LRRTM4: variants seen among roughly 807,000 people sequenced by gnomAD.
The protein encoded by LRRTM4 is leucine rich repeat transmembrane neuronal 4, also known as leucine-rich repeat transmembrane neuronal protein 4.
In LRRTM4, 25 loss-of-function variants were observed where a neutral mutation model predicts 47.6. That is an observed-to-expected ratio of 0.53 (90% confidence interval 0.38 to 0.73). The LOEUF is 0.73. LRRTM4 is among the 30% of genes least tolerant of loss of function. LRRTM4 has a pLI of 0.00. For synonymous variants in LRRTM4, 311 were observed against 269.5 expected, an observed-to-expected ratio of 1.15 and a Z score of -1.51; for missense variants, 638 against 713.4, an observed-to-expected ratio of 0.89 and a Z score of 1.20.
chr2:77,373,967 G>A (rs978859144), intron 3 of LRRTM4, among the ~76,000 whole-genome samples: 3 of 151,734 alleles, frequency 2.0e-5, no homozygotes, highest in Non-Finnish European at 4.4e-5. Flanking sequence ...AGTTAACAGA[G>A]TCAAACAAGA....
chr2:76,990,967 A>G (rs556908385), intron 3 of LRRTM4, among the ~76,000 whole-genome samples: 1 of 151,914 alleles, frequency 6.6e-6, no homozygotes, highest in Non-Finnish European at 1.5e-5. Context: ...CCAAAGTGAA[A>G]CAAAACAGAA....
At chr2:77,517,937 G>A (rs1478247128) in intron 3 of LRRTM4, 2 of 1,000,976 alleles carry the variant, frequency 2.0e-6, no homozygotes, top group Non-Finnish European at 2.4e-6. Context: ...AATTAAGCTG[G>A]CCCTCTTCTT....
At chr2:76,925,816 AAT>A (rs1433024731) in intron 3 of LRRTM4, among the ~76,000 whole-genome samples, 1 of 152,124 alleles carries the variant, frequency 6.6e-6, no homozygotes, top group Non-Finnish European at 1.5e-5. Flanking sequence ...CATATGTCAT[AAT>A]ATGTTAGAAC....
chr2:77,163,389 T>G (rs1398188617), intron 3 of LRRTM4, among the ~76,000 whole-genome samples: 1 of 152,148 alleles, frequency 6.6e-6, no homozygotes, highest in East Asian at 1.9e-4. Flanking sequence ...TGGAACCAAG[T>G]TGGAAAACAC....
At chr2:77,069,263 C>T (rs1044032315) in intron 3 of LRRTM4, among the ~76,000 whole-genome samples, 8 of 151,824 alleles carry the variant, frequency 5.3e-5, no homozygotes, top group African/African-American at 1.9e-4. Flanking sequence ...TCATTTTGGC[C>T]GTTATGAATA....
chr2:77,290,095 T>C (rs1355118237), intron 3 of LRRTM4, among the ~76,000 whole-genome samples: 6 of 151,950 alleles, frequency 3.9e-5, no homozygotes, highest in Non-Finnish European at 7.4e-5. Flanking sequence ...ACATATAAAA[T>C]TGAAGGAGAG....
chr2:77,074,271 G>A (rs916838955), intron 3 of LRRTM4, among the ~76,000 whole-genome samples: 4 of 152,138 alleles, frequency 2.6e-5, no homozygotes, highest in Non-Finnish European at 5.9e-5. Context: ...TGAGTGTGAG[G>A]TTTCATTTGT....
chr2:77,147,168 A>G (rs535578426), intron 3 of LRRTM4, among the ~76,000 whole-genome samples: 33 of 152,284 alleles, frequency 2.2e-4, no homozygotes, highest in African/African-American at 7.7e-4. Flanking sequence ...AATGGTTTCA[A>G]TGTTGTTAGT....
chr2:76,945,597 A>G (rs1675296028), intron 3 of LRRTM4, among the ~76,000 whole-genome samples: 4 of 152,084 alleles, frequency 2.6e-5, no homozygotes. Flanking sequence ...AGAGACTGAA[A>G]AAGTCCTGCA....
chr2:77,219,362 C>T (rs1674552693), intron 3 of LRRTM4, among the ~76,000 whole-genome samples: 1 of 152,126 alleles, frequency 6.6e-6, no homozygotes, highest in South Asian at 2.1e-4. Flanking sequence ...AAGAGTACAG[C>T]CTGTTGAGTC....
intron 3 of LRRTM4, among the ~76,000 whole-genome samples, chr2:76,997,199 A>T (rs1412028366): frequency 6.6e-6 from 1 of 152,172 alleles, no homozygotes; most frequent in Non-Finnish European, 1.5e-5. Flanking sequence ...TGGGCTTCAA[A>T]TATTTATATC....
At chr2:77,275,340 G>A (rs897168098) in intron 3 of LRRTM4, among the ~76,000 whole-genome samples, 2 of 151,772 alleles carry the variant, frequency 1.3e-5, no homozygotes, top group Non-Finnish European at 1.5e-5. Context: ...TACCTCCAAC[G>A]TATTTATTAA....
At chr2:77,016,891 A>G (rs1012200209) in intron 3 of LRRTM4, among the ~76,000 whole-genome samples, 4 of 151,274 alleles carry the variant, frequency 2.6e-5, no homozygotes, top group Non-Finnish European at 5.9e-5. Flanking sequence ...TTTTTTTTTA[A>G]TAAGGGAGAC....
chr2:77,218,350 T>A (rs1268972556), intron 3 of LRRTM4, among the ~76,000 whole-genome samples: 1 of 152,074 alleles, frequency 6.6e-6, no homozygotes, highest in Non-Finnish European at 1.5e-5. Flanking sequence ...TTATTTTGGT[T>A]ATGTTATGAT....
chr2:76,970,544 TA>T (rs1676184077), intron 3 of LRRTM4, among the ~76,000 whole-genome samples: 1 of 152,042 alleles, frequency 6.6e-6, no homozygotes, highest in African/African-American at 2.4e-5. Flanking sequence ...ATATGACTAT[TA>T]AAAATATTGT....
At chr2:76,995,755 A>G (rs1470505) in intron 3 of LRRTM4, among the ~76,000 whole-genome samples, 76,277 of 151,580 alleles carry the variant, frequency 0.5, 19,871 homozygotes, top group African/African-American at 0.63. Flanking sequence ...TGAACTCTGT[A>G]ACTCCAATAT....
chr2:77,408,211 C>A (rs1409529231), intron 3 of LRRTM4, among the ~76,000 whole-genome samples: 1 of 152,084 alleles, frequency 6.6e-6, no homozygotes, highest in African/African-American at 2.4e-5. Flanking sequence ...TTCCTGTTTA[C>A]GTTTGTTTTT....
chr2:77,043,184 G>T (rs1679095042), intron 3 of LRRTM4, among the ~76,000 whole-genome samples: 1 of 151,674 alleles, frequency 6.6e-6, no homozygotes, highest in Admixed American at 6.6e-5. Flanking sequence ...AGTGGATGTG[G>T]TTCTGTGGGG....
At chr2:77,193,924 A>T (rs1346914345) in intron 3 of LRRTM4, among the ~76,000 whole-genome samples, 2 of 152,192 alleles carry the variant, frequency 1.3e-5, no homozygotes, top group Admixed American at 6.5e-5. Flanking sequence ...CAGAAAGCTT[A>T]TGCTTTCTAA....
Sources: gnomAD v4.1 joint callset for allele counts (sites outside exome capture counted in the v4.1 genomes callset) on GRCh38, gnomAD v4.1.1 for gene constraint, MANE v1.5 for transcripts, NCBI Gene and HGNC (gene_info 2026-07-23, HGNC 2026-07-21) for gene names.